The following NDRG4 variants were observed in gnomAD, a reference collection of about 807,000 sequenced individuals.
The protein encoded by NDRG4 is NDRG family member 4, also known as protein NDRG4.
A neutral mutation model predicts 55.8 loss-of-function variants in NDRG4; 38 were observed. The ratio of observed to expected loss-of-function variants is 0.68; its 90% CI spans 0.53 to 0.89. The LOEUF is 0.89. NDRG4 is among the 40% of genes least tolerant of loss of function. NDRG4 has a pLI of 0.00. For synonymous variants in NDRG4, 190 were observed against 182.7 expected (o/e 1.04, Z -0.32); for missense variants, 455 against 468.6 (o/e 0.97, Z 0.27).
intron 1 of NDRG4, among the ~76,000 whole-genome samples, chr16:58,484,851 T>C (rs368838234): frequency 8.6e-5 from 13 of 151,132 alleles, no homozygotes; most frequent in African/African-American, 3.2e-4. Context: ...TTATAACTTA[T>C]CACACAGCTT....
intron 1 of NDRG4, chr16:58,500,919 C>G: frequency 9.5e-7 from 1 of 1,056,572 alleles, no homozygotes; most frequent in Non-Finnish European, 1.2e-6. Context: ...ACAGGAATGA[C>G]AGCCTTTCAG....
intron 1 of NDRG4, among the ~76,000 whole-genome samples, chr16:58,470,060 A>G (rs2032476481): frequency 6.6e-6 from 1 of 152,248 alleles, no homozygotes; most frequent in Admixed American, 6.5e-5. Context: ...GGGTATACAC[A>G]ACACATTAAC....
intron 13 of NDRG4, among the ~76,000 whole-genome samples, chr16:58,510,354 G>T (rs778891006): frequency 1.3e-3 from 203 of 152,224 alleles, no homozygotes; most frequent in Non-Finnish European, 9.1e-4. Context: ...GAGCGGGCAG[G>T]CCTCCCCCAT....
intron 2 of NDRG4, among the ~76,000 whole-genome samples, chr16:58,491,612 C>T (rs1215383405): frequency 6.6e-6 from 1 of 152,102 alleles, no homozygotes; most frequent in Non-Finnish European, 1.5e-5. Context: ...AGGCATGAGC[C>T]ACCACACCCG....
At position 58,504,610 on chromosome 16, in the gene NDRG4, C is replaced by T. The variant is rs368999440; in HGVS notation, c.333C>T (p.Ile111=). 7.7e-5 allele frequency: 125 copies of T among 1,614,034 alleles called. No individual in the cohort carries two copies. The highest frequency in any genetic ancestry group is 9.2e-5 in the Non-Finnish European group (109 of 1,180,046). ...QHFGFKYVIG[I]GVGAGAYVLA... ...CCAGGTTCAAGTATGTGATTGGCAT[C>T]GGAGTGGGCGCCGGAGCCTATGTGC... Residue 111 remains isoleucine (I), a synonymous_variant, in exon 5 of 15, where the codon ATC becomes ATT. Transcript: ENST00000570248.
chr16:58,504,427 T>A lies in NDRG4; in HGVS notation c.311+6T>A. 2.5e-6 allele frequency: 4 copies of A among 1,611,952 alleles called. 1 individual carries two copies. Among genetic ancestry groups the A allele is most frequent in the Middle Eastern group, 1.6e-4 (1 of 6,062 alleles). On this transcript the variant is annotated splice_donor_region_variant and intron_variant, in intron 4 of 14. Transcript: ENST00000570248. ...AGCGTGGTGCAGCATTTCGGGTGAG[T>A]CCCCGCACAGCCCCTGCGCTAGGGC...
intron 7 of NDRG4, 126 bp downstream of exon 7, chr16:58,506,740 A>C (rs2038083235): frequency 3.2e-6 from 4 of 1,247,126 alleles, no homozygotes; most frequent in African/African-American, 3.0e-5. Flanking sequence ...AGCCATCTGA[A>C]AGACAGACAT....
intron 10 of NDRG4, 34 bp downstream of exon 10, chr16:58,508,033 G>T (rs369099635): frequency 2.0e-6 from 3 of 1,474,594 alleles, no homozygotes; most frequent in Non-Finnish European, 2.8e-6. Flanking sequence ...CTGGGGGTGG[G>T]AGGTAGGGGT....
chr16:58,505,147 A>C (rs568910239), intron 5 of NDRG4, among the ~76,000 whole-genome samples: 4 of 152,298 alleles, frequency 2.6e-5, no homozygotes, highest in East Asian at 3.9e-4. Flanking sequence ...CAGGAGATCA[A>C]GACCATCCTG....
chr16:58,502,479 G>A (rs1251148078), intron 1 of NDRG4, among the ~76,000 whole-genome samples: 1 of 152,168 alleles, frequency 6.6e-6, no homozygotes, highest in African/African-American at 2.4e-5. Context: ...TGGCCACCAG[G>A]TTGGTGCCAG....
chr16:58,483,068 G>A (rs1792884779), intron 1 of NDRG4, among the ~76,000 whole-genome samples: 1 of 152,104 alleles, frequency 6.6e-6, no homozygotes, highest in Admixed American at 6.5e-5. Flanking sequence ...TTACAGGTGT[G>A]AGCCACCGTG....
At chr16:58,499,699 A>C (rs2036825206), upstream of NDRG4, 1 of 161,100 alleles carries the variant, frequency 6.2e-6, no homozygotes, top group Admixed American at 5.9e-5. Flanking sequence ...CGGGCCCTCC[A>C]TACTCCCCAA....
At chr16:58,486,270 T>C (rs1281043694) in intron 1 of NDRG4, among the ~76,000 whole-genome samples, 1 of 152,126 alleles carries the variant, frequency 6.6e-6, no homozygotes, top group Non-Finnish European at 1.5e-5. Flanking sequence ...CAAGTGATCC[T>C]CCCACCTCAG....
chr16:58,507,449 A>G, intron 8 of NDRG4: 1 of 372,430 alleles, frequency 2.7e-6, no homozygotes, highest in Non-Finnish European at 4.8e-6. Context: ...CCTCCTTCTC[A>G]TTCTTCTACA....
At chr16:58,478,338 G>C (rs987404585) in intron 1 of NDRG4, among the ~76,000 whole-genome samples, 2 of 151,368 alleles carry the variant, frequency 1.3e-5, no homozygotes, top group Non-Finnish European at 2.9e-5. Context: ...GCAGTGAGCC[G>C]AGATCGCGCC....
intron 7 of NDRG4, 141 bp downstream of exon 7, chr16:58,506,755 T>G (rs1028960006): frequency 6.2e-5 from 74 of 1,197,796 alleles, no homozygotes; most frequent in Non-Finnish European, 7.9e-5. Flanking sequence ...AGACATCCCC[T>G]CCCAAGGCCC....
intron 1 of NDRG4, chr16:58,465,258 G>GTC: frequency 1.9e-6 from 1 of 531,908 alleles, no homozygotes; most frequent in Non-Finnish European, 3.4e-6. Context: ...CGACACCTGG[G>GTC]GGAGGGGGCT....
chr16:58,513,149 A>G lies in NDRG4; in HGVS notation c.*1573A>G, dbSNP rs1323576418. ...TTTTTTGCTGTTTCCAGATGTATCT[A>G]TAAATATCTATACATTATATGTGTG... On this transcript the variant is annotated 3_prime_UTR_variant, in exon 15 of 15. Transcript: ENST00000570248. 1 of 140,252 alleles carries G rather than the reference A, an allele frequency of 7.1e-6. No individual in the cohort carries two copies. The highest frequency in any genetic ancestry group is 2.1e-4 in the East Asian group (1 of 4,744). 8.7% of individuals were successfully genotyped at this position (140,252 alleles called of 1,614,324 possible).
intron 2 of NDRG4, chr16:58,494,945 T>C (rs2036231013): frequency 6.2e-7 from 1 of 1,611,708 alleles, no homozygotes; most frequent in Non-Finnish European, 8.5e-7. Context: ...TGCCACCCCC[T>C]CTGTTTGCCT....
Sources: allele counts gnomAD v4.1 joint callset (sites outside exome capture counted in the v4.1 genomes callset), GRCh38; gene constraint gnomAD v4.1.1; transcripts MANE v1.5; gene names NCBI Gene and HGNC (gene_info 2026-07-23, HGNC 2026-07-21).